Variants in EHMT1 observed in about 807,000 individuals in gnomAD.
EHMT1 encodes the protein histone-lysine N-methyltransferase EHMT1.
In EHMT1, 15 loss-of-function variants were observed where a neutral mutation model predicts 147.2. The observed-to-expected ratio is 0.10, with a 90% CI of 0.07 to 0.16. EHMT1 has a LOEUF of 0.16. Ranked by LOEUF, EHMT1 falls within the 10% of genes least tolerant of loss-of-function variation. EHMT1 has a pLI of 1.00. For synonymous variants in EHMT1, 795 were observed against 709.6 expected, an observed-to-expected ratio of 1.12 and a Z score of -1.91; for missense variants, 1,587 against 1,772.4, an observed-to-expected ratio of 0.90 and a Z score of 1.88.
intron 25 of EHMT1, among the ~76,000 whole-genome samples, chr9:137,830,642 C>T (rs1184822453): frequency 1.4e-5 from 2 of 142,300 alleles, no homozygotes; most frequent in Non-Finnish European, 2.9e-5. Context: ...TTTGCAGCGT[C>T]TCACTCCTTA....
At position 137,813,614 on chromosome 9, in the gene EHMT1, AC is replaced by A; in HGVS notation, c.3180+86del. The A allele has an allele frequency of 6.3e-7, 1 of 1,581,678 alleles. No homozygotes were observed. Among genetic ancestry groups the A allele is most frequent in the East Asian group, 2.3e-5 (1 of 44,244 alleles). On this transcript the variant is annotated intron_variant, in intron 21 of 26. Transcript: ENST00000460843. This position sits in a 1 kb window ranked among gnomAD's most constrained non-coding sequence, Gnocchi z 4.9. ...CTTGAGCCTGGGGTCCTGGGTTCTC[AC>A]CACTCAGAGCAGGAGGGCTTATGGG...
At position 137,772,125 on chromosome 9, in the gene EHMT1, A is replaced by G. The variant is rs1369067209; in HGVS notation, c.1648-2984A>G. Among the ~76,000 whole-genome samples, 3 of 152,110 alleles carry G rather than the reference A, an allele frequency of 2.0e-5. No individual in the cohort carries two copies. The East Asian group carries it at 5.8e-4, about 29-fold the overall frequency. On this transcript the variant is annotated intron_variant, in intron 10 of 26. Transcript: ENST00000460843. Reference sequence around the variant, plus strand: ...TGATAATGGTTCTAAGGTTATATGAAGTATGATTTGTTAGCAATGCATATG... The same window carrying G: ...TGATAATGGTTCTAAGGTTATATGAGGTATGATTTGTTAGCAATGCATATG...
chr9:137,632,037 T>A (rs1843665626), intron 1 of EHMT1, among the ~76,000 whole-genome samples: 1 of 152,180 alleles, frequency 6.6e-6, no homozygotes, highest in African/African-American at 2.4e-5. Flanking sequence ...CTGTGCAGGT[T>A]TATAGCCTGG....
intron 6 of EHMT1, chr9:137,747,355 AC>A (rs1751631346): frequency 6.6e-6 from 1 of 152,166 alleles, no homozygotes; most frequent in African/African-American, 2.4e-5. Flanking sequence ...ACAACGTTTC[AC>A]CATGTTGGCC....
chr9:137,814,168 CCCA>C (rs1954739731), intron 21 of EHMT1: 3 of 570,012 alleles, frequency 5.3e-6, no homozygotes, highest in Non-Finnish European at 9.5e-6. Context: ...CTTCACCCAC[CCCA>C]CGTCACCCAC....
chr9:137,832,028 G>A (rs1033311117), intron 25 of EHMT1, among the ~76,000 whole-genome samples: 1 of 150,156 alleles, frequency 6.7e-6, no homozygotes, highest in Non-Finnish European at 1.5e-5. Flanking sequence ...GCTGCACTTC[G>A]CCCCAGTCCT....
intron 10 of EHMT1, among the ~76,000 whole-genome samples, chr9:137,772,745 G>C (rs536970962): frequency 6.6e-6 from 1 of 152,210 alleles, no homozygotes; most frequent in African/African-American, 2.4e-5. Flanking sequence ...GTCAGCAGTC[G>C]GTGAATCTGT....
At chr9:137,707,737 G>A (rs543629035) in intron 1 of EHMT1, among the ~76,000 whole-genome samples, 4 of 152,344 alleles carry the variant, frequency 2.6e-5, no homozygotes, top group African/African-American at 9.6e-5. Flanking sequence ...GCTGGTGGTG[G>A]TGATGAGGAC....
intron 25 of EHMT1, among the ~76,000 whole-genome samples, chr9:137,831,820 G>A (rs1045363768): frequency 1.3e-5 from 2 of 152,238 alleles, no homozygotes; most frequent in African/African-American, 2.4e-5. Context: ...TCTCTTCTGC[G>A]TGGGCCTTGT....
intron 1 of EHMT1, among the ~76,000 whole-genome samples, chr9:137,629,988 GA>G (rs1479158556): frequency 2.0e-5 from 3 of 152,066 alleles, no homozygotes; most frequent in Admixed American, 6.6e-5. Flanking sequence ...TTTGGATTTT[GA>G]AAAACAAAGC....
intron 3 of EHMT1, 35 bp from the exon 4 acceptor site, chr9:137,728,314 T>C (rs751893457): frequency 6.2e-7 from 1 of 1,614,020 alleles, no homozygotes; most frequent in Non-Finnish European, 8.5e-7. Context: ...CACCTGCTTA[T>C]GCAGTTATAG....
At chr9:137,680,449 G>A (rs531754442) in intron 1 of EHMT1, among the ~76,000 whole-genome samples, 88 of 152,266 alleles carry the variant, frequency 5.8e-4, no homozygotes, top group African/African-American at 2.1e-3. Flanking sequence ...CTCCAGCCTG[G>A]GCGACAGAGC....
At chr9:137,748,333 T>C (rs1484358656) in intron 6 of EHMT1, among the ~76,000 whole-genome samples, 1 of 152,146 alleles carries the variant, frequency 6.6e-6, no homozygotes, top group African/African-American at 2.4e-5. Context: ...TATTTCAGAG[T>C]GTGCGGGGCC....
At chr9:137,745,310 G>T (rs772984331) in intron 6 of EHMT1, among the ~76,000 whole-genome samples, 15 of 152,056 alleles carry the variant, frequency 9.9e-5, no homozygotes, top group Non-Finnish European at 1.9e-4. Context: ...AAAGTCTGTT[G>T]TACATTTTTA....
chr9:137,735,789 A>T (rs1229489978), intron 4 of EHMT1, among the ~76,000 whole-genome samples: 1 of 152,156 alleles, frequency 6.6e-6, no homozygotes, highest in African/African-American at 2.4e-5. Flanking sequence ...CTTGAGAGTG[A>T]GGTGTTTGAA....
chr9:137,798,907 A>G lies in EHMT1; in HGVS notation c.2600A>G (p.Asn867Ser). 1 of 1,612,418 alleles carries G rather than the reference A, an allele frequency of 6.2e-7. No individual in the cohort carries two copies. The stretch of plus-strand genomic sequence containing the variant: ...CTTTCAAATGGACAGATGGACGTCA[A>G]CTGTCAGGTACAGCCACCCCCTCCC... Reference protein sequence around the residue: ...YLLSNGQMDVNCQDDGGWTPM... With the variant: ...YLLSNGQMDVSCQDDGGWTPM... Residue 867 changes from asparagine to serine, a missense_variant, in exon 17 of 27, where the codon AAC becomes AGC. Coordinates refer to ENST00000460843, the MANE Select transcript of EHMT1 (RefSeq NM_024757.5).
At chr9:137,774,948 C>T (rs945019186) in intron 10 of EHMT1, among the ~76,000 whole-genome samples, 161 bp from the exon 11 acceptor site, 11 of 152,176 alleles carry the variant, frequency 7.2e-5, no homozygotes, top group East Asian at 1.9e-4. Context: ...AGCAGGTGCT[C>T]GATAAGTGCT....
chr9:137,747,849 G>C (rs138060843), intron 6 of EHMT1: 3 of 151,876 alleles, frequency 2.0e-5, no homozygotes, highest in African/African-American at 4.8e-5. Context: ...AGTGCTAACC[G>C]TGTAGGATGG....
intron 16 of EHMT1, among the ~76,000 whole-genome samples, chr9:137,796,039 C>T (rs561597701): frequency 5.8e-4 from 89 of 152,348 alleles, no homozygotes; most frequent in Non-Finnish European, 1.0e-3. Context: ...TCGCTCTCAT[C>T]CTAAAAGGCA....
Sources: gnomAD v4.1 joint callset for allele counts (sites outside exome capture counted in the v4.1 genomes callset) on GRCh38, gnomAD v4.1.1 for gene constraint, Gnocchi (gnomAD v3.1) non-coding constraint, MANE v1.5 for transcripts, NCBI Gene and HGNC (gene_info 2026-07-23, HGNC 2026-07-21) for gene names.